Variants in ADAM10 observed in about 807,000 individuals in gnomAD.
ADAM10 encodes the protein disintegrin and metalloproteinase domain-containing protein 10.
In ADAM10, 17 loss-of-function variants were observed where a neutral mutation model predicts 90.1. That is an observed-to-expected ratio of 0.19 (90% CI 0.13 to 0.28). ADAM10 has a LOEUF of 0.28. Among genes scored for constraint, ADAM10 ranks in the 10% least tolerant of loss-of-function variants. The pLI is 1.00. For missense variants in ADAM10, 610 were observed against 914.3 expected (o/e 0.67, Z 4.29); for synonymous variants, 310 against 298.6 (o/e 1.04, Z -0.40).
chr15:58,602,144 T>C (rs914076041), intron 14 of ADAM10, among the ~76,000 whole-genome samples: 63 of 152,338 alleles, frequency 4.1e-4, no homozygotes, highest in African/African-American at 1.4e-3. Flanking sequence ...GGTTTCCTAT[T>C]TTTTATAAAT....
In ADAM10 at chr15:58,651,399, C is replaced by T. The variant is rs184432564; in HGVS notation, c.586-5195G>A. Among the ~76,000 whole-genome samples, 223 of 152,262 alleles carry T rather than the reference C, an allele frequency of 1.5e-3. 1 individual carries two copies. The highest frequency in any genetic ancestry group is 5.0e-3 in the African/African-American group (206 of 41,550). On this transcript the variant is annotated intron_variant, in intron 5 of 15. Transcript: ENST00000260408. ...CCGTTAACCATCCCCACTTCCCCCA[C>T]CACTGCTCTAATACTCATTGCACCC... is the stretch of plus-strand genomic sequence containing the variant.
rs571953044 is a variant in ADAM10, at chr15:58,695,806, C to T, written c.207-13492G>A. Reference sequence around the variant, plus strand: ...GATCAGCCTGGCCAACGTGGTGAAACCCTGTCTCTATTACAAATATAAAAA... The same window carrying T: ...GATCAGCCTGGCCAACGTGGTGAAATCCTGTCTCTATTACAAATATAAAAA... On this transcript the variant is annotated intron_variant, in intron 2 of 15. Transcript: ENST00000260408. Among the ~76,000 whole-genome samples, 22 of 152,096 alleles carry T rather than the reference C, an allele frequency of 1.4e-4. No homozygotes were observed. In the South Asian group the frequency reaches 4.6e-3, roughly 32 times the overall value.
Position 58,640,624 on chromosome 15 carries a change from C to T in ADAM10, c.1012+153G>A, listed in dbSNP as rs538704744. On this transcript the variant is annotated intron_variant, in intron 8 of 15. Transcript: ENST00000260408. ...GCTCCTTCATCTATTGTGGCTTTTA[C>T]ATTATGCTTATGAGTCTTGCCTAAC... 4.3e-4 allele frequency among the ~76,000 whole-genome samples: 65 copies of T among 152,286 alleles called. 1 individual carries two copies. Among genetic ancestry groups the T allele is most frequent in the African/African-American group, 1.5e-3 (62 of 41,570 alleles).
chr15:58,613,068 A>G (rs750208325), intron 11 of ADAM10, among the ~76,000 whole-genome samples: 1 of 152,202 alleles, frequency 6.6e-6, no homozygotes, highest in Non-Finnish European at 1.5e-5. Flanking sequence ...ATTATGGGAA[A>G]AATGAGAATA....
chr15:58,747,097 A>T (rs1449008354), intron 1 of ADAM10, among the ~76,000 whole-genome samples: 3 of 152,224 alleles, frequency 2.0e-5, no homozygotes, highest in African/African-American at 7.2e-5. Context: ...AAACCAAAAC[A>T]TTATGGAATT....
chr15:58,670,268 GTAT>G (rs1350401685), intron 4 of ADAM10, among the ~76,000 whole-genome samples: 8 of 151,624 alleles, frequency 5.3e-5, no homozygotes, highest in Non-Finnish European at 1.0e-4. Flanking sequence ...ATACATGAAG[GTAT>G]TATTAAGTCA....
At chr15:58,693,224 T>C in intron 2 of ADAM10, 1 of 632,044 alleles carries the variant, frequency 1.6e-6, no homozygotes, top group Non-Finnish European at 3.0e-6. Flanking sequence ...TTACAAGTAC[T>C]AGAGAGCAAG....
At chr15:58,655,700 A>ACTATATAT (rs1566982267) in intron 5 of ADAM10, among the ~76,000 whole-genome samples, 1 of 60,970 alleles carries the variant, frequency 1.6e-5, no homozygotes, top group African/African-American at 1.2e-4. Context: ...TATATAGTAT[A>ACTATATAT]TATATATATA....
intron 5 of ADAM10, among the ~76,000 whole-genome samples, chr15:58,652,977 G>T (rs1277256611): frequency 6.6e-6 from 1 of 151,834 alleles, no homozygotes; most frequent in African/African-American, 2.4e-5. Context: ...TTTATTTGTG[G>T]CTACTGCAAA....
At chr15:58,640,677 C>T in intron 8 of ADAM10, 100 bp downstream of exon 8, 1 of 1,114,028 alleles carries the variant, frequency 9.0e-7, no homozygotes, top group Non-Finnish European at 1.3e-6. Flanking sequence ...GGATATTATA[C>T]AGGCATCACT....
chr15:58,726,475 G>A (rs1481922980), intron 1 of ADAM10, among the ~76,000 whole-genome samples: 2 of 132,158 alleles, frequency 1.5e-5, no homozygotes, highest in Non-Finnish European at 3.1e-5. Flanking sequence ...TAAGGCATGA[G>A]AATCGCTTAA....
intron 1 of ADAM10, among the ~76,000 whole-genome samples, chr15:58,720,202 T>G (rs180801776): frequency 2.6e-5 from 4 of 152,248 alleles, no homozygotes; most frequent in African/African-American, 9.6e-5. Flanking sequence ...AAGAGCGGCA[T>G]AAAAGGACAA....
chr15:58,729,018 C>A (rs1266977127), intron 1 of ADAM10, among the ~76,000 whole-genome samples: 1 of 152,116 alleles, frequency 6.6e-6, no homozygotes, highest in Non-Finnish European at 1.5e-5. Flanking sequence ...TTTTCAAGAA[C>A]TTCTTAGAAG....
chr15:58,708,512 A>T (rs1451360520), intron 2 of ADAM10, among the ~76,000 whole-genome samples: 4 of 152,110 alleles, frequency 2.6e-5, no homozygotes, highest in Non-Finnish European at 5.9e-5. Flanking sequence ...AAAAATTAAA[A>T]ATTAGCCGAG....
chr15:58,679,545 C>T (rs1393409903), intron 3 of ADAM10, among the ~76,000 whole-genome samples: 1 of 152,052 alleles, frequency 6.6e-6, no homozygotes, highest in African/African-American at 2.4e-5. Context: ...AGAGTATCTG[C>T]CTTGTTACCA....
chr15:58,621,429 A>C (rs1235358704), intron 11 of ADAM10, 42 bp downstream of exon 11: 2 of 1,611,962 alleles, frequency 1.2e-6, no homozygotes, highest in Non-Finnish European at 1.7e-6. Flanking sequence ...GCATTGAGGT[A>C]ACTTTACAAG....
intron 11 of ADAM10, among the ~76,000 whole-genome samples, chr15:58,615,110 T>A (rs1312514991): frequency 6.6e-6 from 1 of 151,518 alleles, no homozygotes; most frequent in African/African-American, 2.4e-5. Context: ...CCATCTCTAC[T>A]AAAAACACAA....
At chr15:58,638,509 G>A (rs1482434062) in intron 8 of ADAM10, among the ~76,000 whole-genome samples, 2 of 151,702 alleles carry the variant, frequency 1.3e-5, no homozygotes, top group Admixed American at 6.6e-5. Context: ...CAGCTACTCG[G>A]GAGGCTGAGG....
chr15:58,639,726 T>C (rs1010478143), intron 8 of ADAM10, among the ~76,000 whole-genome samples: 4 of 152,026 alleles, frequency 2.6e-5, no homozygotes, highest in African/African-American at 9.7e-5. Flanking sequence ...GCTATGGAAA[T>C]TGTAAAAGTA....
Sources: allele counts gnomAD v4.1 joint callset (sites outside exome capture counted in the v4.1 genomes callset), GRCh38; gene constraint gnomAD v4.1.1; transcripts MANE v1.5; gene names NCBI Gene and HGNC (gene_info 2026-07-23, HGNC 2026-07-21).